Variants in CSNK1G1 observed in about 807,000 individuals in gnomAD.
CSNK1G1 encodes the protein casein kinase 1 gamma 1, also known as casein kinase I isoform gamma-1.
CSNK1G1 carries 22 observed loss-of-function variants against 59.6 expected under a neutral mutation model. The ratio of observed to expected loss-of-function variants is 0.37; its 90% CI spans 0.26 to 0.53. The LOEUF is 0.53. CSNK1G1 is among the 20% of genes least tolerant of loss of function. CSNK1G1 has a pLI of 0.89. For missense variants in CSNK1G1, 384 were observed against 519.5 expected (o/e 0.74, Z 2.54); for synonymous variants, 179 against 177.1 (o/e 1.01, Z -0.08).
intron 4 of CSNK1G1, among the ~76,000 whole-genome samples, chr15:64,225,006 CTTT>C (rs750533422): frequency 3.3e-5 from 4 of 121,842 alleles, no homozygotes; most frequent in Non-Finnish European, 1.7e-5. Context: ...ATACACTTTT[CTTT>C]TTTTTTTTTT....
chr15:64,318,921 T>C (rs1011029621), intron 1 of CSNK1G1, among the ~76,000 whole-genome samples: 6 of 151,726 alleles, frequency 4.0e-5, no homozygotes, highest in Non-Finnish European at 8.8e-5. Flanking sequence ...AACATGATCT[T>C]GGCTCACTGC....
At chr15:64,301,236 A>G (rs1297976211) in intron 1 of CSNK1G1, among the ~76,000 whole-genome samples, 1 of 152,174 alleles carries the variant, frequency 6.6e-6, no homozygotes, top group Non-Finnish European at 1.5e-5. Flanking sequence ...GGAACTTCCA[A>G]AACTCTATTG....
intron 1 of CSNK1G1, among the ~76,000 whole-genome samples, chr15:64,323,595 C>G (rs547059764): frequency 1.2e-4 from 19 of 152,188 alleles, no homozygotes; most frequent in Middle Eastern, 3.4e-3. Flanking sequence ...AAACTCCTGA[C>G]CTCAGGTGAT....
chr15:64,277,447 AGAGT>A (rs1327368551), intron 2 of CSNK1G1, among the ~76,000 whole-genome samples: 1 of 151,842 alleles, frequency 6.6e-6, no homozygotes, highest in Non-Finnish European at 1.5e-5. Flanking sequence ...CCTGGGCAAC[AGAGT>A]GAGACCCTGT....
intron 4 of CSNK1G1, among the ~76,000 whole-genome samples, chr15:64,238,198 TA>T (rs2082640810): frequency 6.6e-6 from 1 of 151,978 alleles, no homozygotes; most frequent in Non-Finnish European, 1.5e-5. Flanking sequence ...GCCACTGTTT[TA>T]AAATTAGGTA....
At chr15:64,295,056 C>T (rs1459497662) in intron 2 of CSNK1G1, among the ~76,000 whole-genome samples, 4 of 152,136 alleles carry the variant, frequency 2.6e-5, no homozygotes, top group Non-Finnish European at 1.5e-5. Context: ...ATGGTGAAAC[C>T]CCATCTCTAG....
chr15:64,219,067 C>A (rs1175066329), intron 4 of CSNK1G1, among the ~76,000 whole-genome samples: 1 of 152,192 alleles, frequency 6.6e-6, no homozygotes, highest in Non-Finnish European at 1.5e-5. Flanking sequence ...GTTGGCCAGG[C>A]TGGCCTCAAA....
intron 1 of CSNK1G1, among the ~76,000 whole-genome samples, chr15:64,313,611 G>C (rs1477603908): frequency 3.9e-5 from 6 of 152,004 alleles, no homozygotes; most frequent in African/African-American, 7.3e-5. Context: ...GGGGTGTGGG[G>C]CTAGGGTAGG....
chr15:64,182,062 T>TG (rs1555498200), intron 10 of CSNK1G1, among the ~76,000 whole-genome samples: 1 of 136,160 alleles, frequency 7.3e-6, no homozygotes, highest in Non-Finnish European at 1.6e-5. Flanking sequence ...CGTTTTTTTT[T>TG]TTTTTTTTTT....
intron 4 of CSNK1G1, among the ~76,000 whole-genome samples, chr15:64,230,125 T>C (rs1424076515): frequency 1.3e-5 from 2 of 151,664 alleles, no homozygotes. Context: ...TTTTACCATG[T>C]TGGCCAGGCA....
chr15:64,213,846 T>C, intron 6 of CSNK1G1, 44 bp downstream of exon 6: 1 of 1,279,830 alleles, frequency 7.8e-7, no homozygotes, highest in Non-Finnish European at 1.1e-6. Flanking sequence ...AATAATAAAC[T>C]GTTCTAATGA....
intron 1 of CSNK1G1, among the ~76,000 whole-genome samples, chr15:64,351,774 G>A (rs1400412036): frequency 6.6e-6 from 1 of 152,134 alleles, no homozygotes; most frequent in East Asian, 1.9e-4. Context: ...AGCTAATCGG[G>A]AGACTGAGGC....
intron 11 of CSNK1G1, among the ~76,000 whole-genome samples, chr15:64,175,387 C>T (rs1438857254): frequency 1.3e-5 from 2 of 152,058 alleles, no homozygotes; most frequent in Non-Finnish European, 1.5e-5. Context: ...TTTATGCGTG[C>T]GGACAATGTG....
At chr15:64,226,505 A>G (rs1176768881) in intron 4 of CSNK1G1, among the ~76,000 whole-genome samples, 1 of 151,988 alleles carries the variant, frequency 6.6e-6, no homozygotes, top group Non-Finnish European at 1.5e-5. Context: ...GCAGTGAGCC[A>G]AGATCGCAAC....
intron 1 of CSNK1G1, among the ~76,000 whole-genome samples, chr15:64,352,996 C>A (rs1898401627): frequency 1.3e-5 from 2 of 151,730 alleles, no homozygotes; most frequent in African/African-American, 4.8e-5. Flanking sequence ...AGCTGAGGTG[C>A]GAGAACTGCT....
At chr15:64,195,844 T>C (rs949106907) in intron 10 of CSNK1G1, among the ~76,000 whole-genome samples, 8 of 152,242 alleles carry the variant, frequency 5.3e-5, no homozygotes, top group Non-Finnish European at 8.8e-5. Context: ...AACTGGGATC[T>C]TTCTGAATGG....
intron 4 of CSNK1G1, among the ~76,000 whole-genome samples, chr15:64,234,784 C>T (rs2082593281): frequency 6.6e-6 from 1 of 152,074 alleles, no homozygotes; most frequent in African/African-American, 2.4e-5. Flanking sequence ...TCTGCTCTCT[C>T]TTGAGTGGTG....
intron 2 of CSNK1G1, among the ~76,000 whole-genome samples, chr15:64,289,599 A>T (rs1280846848): frequency 6.6e-6 from 1 of 152,198 alleles, no homozygotes; most frequent in Non-Finnish European, 1.5e-5. Flanking sequence ...AATTAAACTA[A>T]AAAGCATCTG....
chr15:64,344,919 CAA>C (rs147711872), intron 1 of CSNK1G1, among the ~76,000 whole-genome samples: 89 of 152,258 alleles, frequency 5.8e-4, no homozygotes, highest in African/African-American at 2.1e-3. Context: ...CCATTAAAGA[CAA>C]AGTGAGCCTT....
Sources: allele counts gnomAD v4.1 joint callset (sites outside exome capture counted in the v4.1 genomes callset), GRCh38; gene constraint gnomAD v4.1.1; transcripts MANE v1.5; gene names NCBI Gene and HGNC (gene_info 2026-07-23, HGNC 2026-07-21).